Variants in NIPBL observed in about 807,000 individuals in gnomAD.
NIPBL encodes NIPBL cohesin loading factor.
NIPBL carries 19 observed loss-of-function variants against 321.8 expected under a neutral mutation model. That is an observed-to-expected ratio of 0.06 (90% confidence interval 0.04 to 0.09). The LOEUF (loss-of-function observed/expected upper bound fraction) is 0.09. Among genes scored for constraint, NIPBL ranks in the 10% least tolerant of loss-of-function variants. NIPBL has a pLI of 1.00. For missense variants in NIPBL, 2,210 were observed against 3,327.0 expected, an observed-to-expected ratio of 0.66 and a Z score of 8.26; for synonymous variants, 1,106 against 1,114.1, an observed-to-expected ratio of 0.99 and a Z score of 0.14.
At chr5:36,965,632 T>C (rs1188803800) in intron 6 of NIPBL, among the ~76,000 whole-genome samples, 1 of 152,138 alleles carries the variant, frequency 6.6e-6, no homozygotes, top group Non-Finnish European at 1.5e-5. Context: ...TTGACAGCAA[T>C]CTATTTTATA....
chr5:37,024,223 TA>T (rs1471000187), intron 29 of NIPBL, among the ~76,000 whole-genome samples: 2 of 152,150 alleles, frequency 1.3e-5, no homozygotes, highest in Non-Finnish European at 2.9e-5. Flanking sequence ...AGATTCAGGT[TA>T]AACATTTTTA....
intron 1 of NIPBL, among the ~76,000 whole-genome samples, chr5:36,935,874 T>C (rs1738361658): frequency 6.6e-6 from 1 of 152,072 alleles, no homozygotes; most frequent in Non-Finnish European, 1.5e-5. Flanking sequence ...AGTCTCTGAC[T>C]CTATCCCTAC....
At position 37,000,473 on chromosome 5, in the gene NIPBL, T is replaced by C; in HGVS notation, c.3405T>C (p.His1135=). The C allele has an allele frequency of 1.9e-6, 3 of 1,613,400 alleles. No homozygotes were observed. Among genetic ancestry groups the C allele is most frequent in the Non-Finnish European group, 2.5e-6 (3 of 1,179,542 alleles). ...ATCATAGGAGAAGTGGCCACTCTCA[T>C]GAAGGAAGAAGGAGTTCAGGTGGTG... ...SGDHRRSGHS[H]EGRRSSGGGR... Residue 1135 remains histidine, a synonymous_variant, in exon 12 of 47, where the codon CAT becomes CAC. Coordinates refer to ENST00000282516, the MANE Select transcript of NIPBL (RefSeq NM_133433.4).
intron 2 of NIPBL, 145 bp downstream of exon 2, chr5:36,953,905 T>A (rs1284061510): frequency 1.8e-5 from 12 of 670,716 alleles, no homozygotes; most frequent in East Asian, 5.6e-5. Context: ...AAAAAAAAAA[T>A]TGATAGCCTA....
intron 1 of NIPBL, among the ~76,000 whole-genome samples, chr5:36,880,171 C>T (rs1235563323): frequency 6.6e-6 from 1 of 151,910 alleles, no homozygotes; most frequent in Non-Finnish European, 1.5e-5. Context: ...TCTTTACTTG[C>T]AGCCGAAAAA....
At chr5:36,877,872 A>G (rs944274440) in intron 1 of NIPBL, among the ~76,000 whole-genome samples, 1 of 152,154 alleles carries the variant, frequency 6.6e-6, no homozygotes. Flanking sequence ...GACACTGCAC[A>G]TCTCCCCCTC....
At chr5:36,891,097 C>T (rs1746297351) in intron 1 of NIPBL, among the ~76,000 whole-genome samples, 1 of 152,050 alleles carries the variant, frequency 6.6e-6, no homozygotes, top group Non-Finnish European at 1.5e-5. Context: ...AACCTCGTCT[C>T]TACTAAAAAT....
Position 36,985,881 on chromosome 5 carries a change from A to G in NIPBL, c.2701A>G (p.Asn901Asp). The G allele has an allele frequency of 1.2e-6, 2 of 1,613,956 alleles. No individual in the cohort carries two copies. The highest frequency in any genetic ancestry group is 1.1e-5 in the South Asian group (1 of 91,078). The change falls in exon 10 of 47, where the codon AAT (asparagine) becomes GAT (aspartate). Residue 901 changes from asparagine (N) to aspartate (D), a missense_variant. Coordinates refer to ENST00000282516, the MANE Select transcript of NIPBL (RefSeq NM_133433.4). ...TCCTCGTGTTAAACAAGGAGATTCT[A>G]ATAAATCAAGATCTGATAAACTTGG... ...DSPRVKQGDSNKSRSDKLGFK... is the reference protein window; with the variant it reads ...DSPRVKQGDSDKSRSDKLGFK...
In NIPBL at chr5:37,036,422, A is replaced by C. The variant is rs759154614; in HGVS notation, c.5906A>C (p.Lys1969Thr). The C allele has an allele frequency of 1.4e-6, 2 of 1,452,708 alleles. No individual in the cohort carries two copies. Among genetic ancestry groups the C allele is most frequent in the South Asian group, 3.1e-5 (2 of 63,758 alleles). The allele number at this position is 1,452,708 out of a possible 1,614,324, so 90.0% of individuals were successfully genotyped here. ...EEDSSYKPVK[K>T]ACTQLVDNLV... Reference sequence around the variant, plus strand: ...GATTCCTCATATAAACCTGTGAAGAAAGCTTGTACTCAACTTGTTGATAAC... The same window carrying C: ...GATTCCTCATATAAACCTGTGAAGACAGCTTGTACTCAACTTGTTGATAAC... Residue 1969 changes from lysine to threonine, a missense_variant, in exon 33 of 47, where the codon AAA (lysine) becomes ACA (threonine). By Grantham distance (78) the Lys-to-Thr change is moderately conservative. Coordinates refer to ENST00000282516, the MANE Select transcript of NIPBL (RefSeq NM_133433.4).
intron 21 of NIPBL, among the ~76,000 whole-genome samples, chr5:37,011,955 T>C (rs549798712): frequency 6.6e-6 from 1 of 152,106 alleles, no homozygotes; most frequent in Non-Finnish European, 1.5e-5. Context: ...GTCAATTTGC[T>C]TACTAAAGTG....
At chr5:37,044,771 C>T in intron 36 of NIPBL, 42 bp downstream of exon 36, 2 of 1,358,910 alleles carry the variant, frequency 1.5e-6, no homozygotes, top group Non-Finnish European at 2.1e-6. Context: ...CTGCTAGGTC[C>T]TGCAGGGGGT....
At chr5:36,928,054 A>G (rs1240637386) in intron 1 of NIPBL, among the ~76,000 whole-genome samples, 1 of 152,132 alleles carries the variant, frequency 6.6e-6, no homozygotes, top group Non-Finnish European at 1.5e-5. Flanking sequence ...CAAAAAGAGC[A>G]GGAAAGTCAG....
chr5:36,943,740 A>G (rs888370437), intron 1 of NIPBL, among the ~76,000 whole-genome samples: 8 of 152,168 alleles, frequency 5.3e-5, no homozygotes, highest in Non-Finnish European at 4.4e-5. Flanking sequence ...TCAACAGTAG[A>G]GTACGGAGAG....
At chr5:36,896,560 G>A (rs1746751287) in intron 1 of NIPBL, among the ~76,000 whole-genome samples, 2 of 152,152 alleles carry the variant, frequency 1.3e-5, no homozygotes, top group African/African-American at 4.8e-5. Flanking sequence ...AAGGGCATGG[G>A]AAGACGTTCC....
chr5:36,878,466 C>T (rs1353225997), intron 1 of NIPBL, among the ~76,000 whole-genome samples: 1 of 152,156 alleles, frequency 6.6e-6, no homozygotes, highest in Non-Finnish European at 1.5e-5. Context: ...AGGCAAATTG[C>T]TAGAAAAGTG....
At chr5:36,960,922 T>A (rs762319576) in intron 4 of NIPBL, among the ~76,000 whole-genome samples, 22 of 152,046 alleles carry the variant, frequency 1.4e-4, no homozygotes, top group Non-Finnish European at 3.1e-4. Context: ...TGACAAAGAG[T>A]TATTGTGAAA....
At chr5:36,898,187 A>C (rs966316516) in intron 1 of NIPBL, among the ~76,000 whole-genome samples, 1 of 152,204 alleles carries the variant, frequency 6.6e-6, no homozygotes, top group African/African-American at 2.4e-5. Flanking sequence ...ATCAGTAAGG[A>C]TAAAGTGTTG....
Position 36,984,816 on chromosome 5 carries a change from C to T in NIPBL, c.1636C>T (p.His546Tyr). The T allele has an allele frequency of 6.2e-7, 1 of 1,613,876 alleles. No individual in the cohort carries two copies. Among genetic ancestry groups the T allele is most frequent in the Non-Finnish European group, 8.5e-7 (1 of 1,179,874 alleles). The change falls in exon 10 of 47, where the codon CAT becomes TAT. Residue 546 changes from histidine (H) to tyrosine (Y), a missense_variant. Transcript: ENST00000282516. ...AGCATTAATGGTTAGCATTGATCTT[C>T]ATCAGGCAGGAAGAGTGGACTCTCA... ...RPALMVSIDL[H>Y]QAGRVDSQAS...
intron 24 of NIPBL, among the ~76,000 whole-genome samples, chr5:37,019,055 A>C (rs1749324785): frequency 6.6e-6 from 1 of 152,190 alleles, no homozygotes. Context: ...GTGAGCCGAG[A>C]TAGTGCCACT....
Sources: gnomAD v4.1 joint callset for allele counts (sites outside exome capture counted in the v4.1 genomes callset) on GRCh38, gnomAD v4.1.1 for gene constraint, MANE v1.5 for transcripts, NCBI Gene and HGNC (gene_info 2026-07-23, HGNC 2026-07-21) for gene names.